CARMIL1: variants seen among roughly 807,000 people sequenced by gnomAD.
The protein encoded by CARMIL1 is capping protein regulator and myosin 1 linker 1, also known as F-actin-uncapping protein LRRC16A.
A neutral mutation model predicts 177.1 loss-of-function variants in CARMIL1; 90 were observed. The observed-to-expected ratio is 0.51, with a 90% CI of 0.43 to 0.61. The LOEUF is 0.61. Ranked by LOEUF, CARMIL1 falls within the 20% of genes least tolerant of loss-of-function variation. The pLI, the probability that CARMIL1 is intolerant of heterozygous loss-of-function variation, is 0.00. For synonymous variants in CARMIL1, 577 were observed against 606.2 expected, an observed-to-expected ratio of 0.95 and a Z score of 0.71; for missense variants, 1,380 against 1,667.0, an observed-to-expected ratio of 0.83 and a Z score of 3.00.
At chr6:25,294,324 T>TG (rs1279133165) in intron 2 of CARMIL1, among the ~76,000 whole-genome samples, 6 of 152,174 alleles carry the variant, frequency 3.9e-5, no homozygotes, top group African/African-American at 1.4e-4. Context: ...AGACAGGATC[T>TG]GGTGTAGACA....
intron 33 of CARMIL1, among the ~76,000 whole-genome samples, chr6:25,603,402 C>T (rs1196891180): frequency 1.3e-5 from 2 of 152,228 alleles, no homozygotes; most frequent in Non-Finnish European, 2.9e-5. Flanking sequence ...GAGCTTTTGT[C>T]ATCTTCCTGA....
intron 2 of CARMIL1, among the ~76,000 whole-genome samples, chr6:25,392,172 A>C (rs1391790218): frequency 1.3e-5 from 2 of 151,904 alleles, no homozygotes; most frequent in Admixed American, 6.6e-5. Flanking sequence ...TATGATACAC[A>C]AACCGTAGAT....
At chr6:25,346,603 T>C (rs1350943138) in intron 2 of CARMIL1, among the ~76,000 whole-genome samples, 1 of 152,242 alleles carries the variant, frequency 6.6e-6, no homozygotes, top group African/African-American at 2.4e-5. Flanking sequence ...TTTTCTCTCC[T>C]ACTGGAGTGT....
At chr6:25,565,027 A>T (rs1562290806) in intron 29 of CARMIL1, among the ~76,000 whole-genome samples, 3 of 152,350 alleles carry the variant, frequency 2.0e-5, no homozygotes, top group South Asian at 2.1e-4. Flanking sequence ...TGCTGTTACA[A>T]TGAGAGATGG....
At position 25,518,433 on chromosome 6, in the gene CARMIL1, G is replaced by C. The variant is rs187472399; in HGVS notation, c.1874+1018G>C. Among the ~76,000 whole-genome samples the C allele has an allele frequency of 2.3e-4, 35 of 152,274 alleles. 1 individual carries two copies. Among genetic ancestry groups the C allele is most frequent in the Admixed American group, 2.2e-3 (33 of 15,290 alleles). On this transcript the variant is annotated intron_variant, in intron 22 of 36. Transcript: ENST00000329474. ...GCTCTACTTCAGCCAGGAGTTCAAA[G>C]TTACTACCATTACAAAATCACAGAG...
chr6:25,304,722 A>T (rs1477963697), intron 2 of CARMIL1, among the ~76,000 whole-genome samples: 1 of 152,238 alleles, frequency 6.6e-6, no homozygotes, highest in South Asian at 2.1e-4. Flanking sequence ...AGAACATTCA[A>T]GTAGGAAAAT....
intron 26 of CARMIL1, among the ~76,000 whole-genome samples, chr6:25,544,914 G>T (rs1809298065): frequency 6.6e-6 from 1 of 152,136 alleles, no homozygotes; most frequent in African/African-American, 2.4e-5. Flanking sequence ...CATTAGACCT[G>T]TATTGTCCAA....
At chr6:25,409,708 C>T (rs114683378) in intron 2 of CARMIL1, among the ~76,000 whole-genome samples, 3,133 of 152,140 alleles carry the variant, frequency 0.021, 112 homozygotes, top group African/African-American at 0.069. Flanking sequence ...ATATTGATTT[C>T]GAGAATTGTG....
chr6:25,426,429 T>TA, intron 3 of CARMIL1, 72 bp from the exon 4 acceptor site: 3 of 1,006,690 alleles, frequency 3.0e-6, no homozygotes, highest in Non-Finnish European at 4.3e-6. Context: ...TTTTTTTTTT[T>TA]ACCTTAAGTT....
rs1803278177 is a variant in CARMIL1 at position 25,491,928 on chromosome 6, G to A, written c.1144-20G>A. On this transcript the variant is annotated intron_variant, in intron 14 of 36. Coordinates refer to ENST00000329474, the MANE Select transcript of CARMIL1 (RefSeq NM_017640.6). ...GACCTAGAAATACTTGAAAAGAAGA[G>A]TGCCTTATTTCTTTTTCAGGTCTGT... is the stretch of plus-strand genomic sequence containing the variant. The A allele has an allele frequency of 5.0e-6, 8 of 1,605,692 alleles. No homozygotes were observed. The highest frequency in any genetic ancestry group is 2.2e-5 in the South Asian group (2 of 90,684).
intron 31 of CARMIL1, among the ~76,000 whole-genome samples, chr6:25,593,654 T>C (rs1374319871): frequency 6.6e-6 from 1 of 152,226 alleles, no homozygotes; most frequent in Non-Finnish European, 1.5e-5. Context: ...TGCTTTGTTA[T>C]TGTCAACCAG....
At chr6:25,492,109 G>A (rs1167805968) in intron 15 of CARMIL1, 85 bp downstream of exon 15, 1 of 1,136,480 alleles carries the variant, frequency 8.8e-7, no homozygotes. Context: ...CAGTGATAAA[G>A]GGTGAATGTT....
At chr6:25,414,191 C>T (rs56010624) in intron 2 of CARMIL1, among the ~76,000 whole-genome samples, 3,399 of 152,258 alleles carry the variant, frequency 0.022, 60 homozygotes, top group Middle Eastern at 0.051. Flanking sequence ...ATTCTGTAAT[C>T]TCTAACTCTC....
intron 2 of CARMIL1, among the ~76,000 whole-genome samples, chr6:25,394,083 T>C (rs1045757435): frequency 6.6e-6 from 1 of 152,196 alleles, no homozygotes; most frequent in African/African-American, 2.4e-5. Flanking sequence ...ACTTAGTTTC[T>C]ACCATTTACA....
intron 31 of CARMIL1, among the ~76,000 whole-genome samples, chr6:25,592,185 C>T (rs997945143): frequency 4.6e-5 from 7 of 152,086 alleles, no homozygotes; most frequent in Non-Finnish European, 7.4e-5. Flanking sequence ...GTGCCGCTAA[C>T]CTTCTGAGCC....
At chr6:25,498,615 G>C (rs1207407129) in intron 16 of CARMIL1, among the ~76,000 whole-genome samples, 1 of 152,166 alleles carries the variant, frequency 6.6e-6, no homozygotes, top group Admixed American at 6.5e-5. Context: ...ATGTGTCTAA[G>C]TCCTAGAAAC....
At chr6:25,354,251 C>T (rs556990764) in intron 2 of CARMIL1, among the ~76,000 whole-genome samples, 1 of 151,808 alleles carries the variant, frequency 6.6e-6, no homozygotes, top group South Asian at 2.1e-4. Flanking sequence ...CCTGCAGTTC[C>T]TGGACTCAAG....
chr6:25,535,359 T>C (rs1808182754), intron 24 of CARMIL1, among the ~76,000 whole-genome samples: 1 of 152,156 alleles, frequency 6.6e-6, no homozygotes, highest in Non-Finnish European at 1.5e-5. Context: ...AATAAGTGTA[T>C]TTAAATATGT....
rs1812673996 is a variant in CARMIL1, at chr6:25,577,230, CAGAGTG to C, written c.2743-3693_2743-3688del. ...CTCCAGCCATGTGCCTGAAAGCAAGCAGAGTGTTGATGAAGAGGATACAAACATTCA... is the reference window on the plus strand; with the variant it reads ...CTCCAGCCATGTGCCTGAAAGCAAGCTTGATGAAGAGGATACAAACATTCA... On this transcript the variant is annotated intron_variant, in intron 29 of 36. Coordinates refer to ENST00000329474, the MANE Select transcript of CARMIL1 (RefSeq NM_017640.6). This position sits in a 1 kb window ranked among gnomAD's most constrained non-coding sequence, Gnocchi z 4.5. The C allele has an allele frequency of 5.5e-6, 3 of 549,972 alleles. No homozygotes were observed. In the African/African-American group the frequency reaches 6.2e-5, roughly 11 times the overall value. The allele number at this position is 549,972 out of a possible 1,614,324, so 34.1% of individuals were successfully genotyped here. A position where few individuals can be genotyped will look rare whatever the true frequency, so the allele number is the denominator to read the frequency against.
Sources: allele counts gnomAD v4.1 joint callset (sites outside exome capture counted in the v4.1 genomes callset), GRCh38; gene constraint gnomAD v4.1.1; non-coding constraint Gnocchi (gnomAD v3.1); transcripts MANE v1.5; gene names NCBI Gene and HGNC (gene_info 2026-07-23, HGNC 2026-07-21).